Variants in AMTN observed in about 807,000 individuals in gnomAD.
The protein encoded by AMTN is RSTI689.
In AMTN, 29 loss-of-function variants were observed where a neutral mutation model predicts 27.4. That is an observed-to-expected ratio of 1.06 (90% confidence interval 0.79 to 1.44). The LOEUF (loss-of-function observed/expected upper bound fraction) is 1.44. Ranked by LOEUF, AMTN falls within the 40% of genes most tolerant of loss-of-function variation. AMTN has a pLI of 0.00. For synonymous variants in AMTN, 86 were observed against 95.7 expected, an observed-to-expected ratio of 0.90 and a Z score of 0.59; for missense variants, 247 against 248.8, an observed-to-expected ratio of 0.99 and a Z score of 0.05.
At chr4:70,525,061 C>A in intron 5 of AMTN, 100 bp downstream of exon 5, 1 of 1,091,938 alleles carries the variant, frequency 9.2e-7, no homozygotes, top group Non-Finnish European at 1.3e-6. Context: ...GAAAATTTTG[C>A]CCAGATTATT....
At chr4:70,529,881 A>G (rs1286567735) in intron 7 of AMTN, among the ~76,000 whole-genome samples, 2 of 152,230 alleles carry the variant, frequency 1.3e-5, no homozygotes, top group Non-Finnish European at 2.9e-5. Context: ...TTGTCCATAA[A>G]TAATCATCAA....
chr4:70,529,905 TG>T (rs1736183035), intron 7 of AMTN, among the ~76,000 whole-genome samples: 1 of 152,202 alleles, frequency 6.6e-6, no homozygotes, highest in Non-Finnish European at 1.5e-5. Context: ...ATGGGGCTAG[TG>T]TCTGTTTTGC....
chr4:70,519,595 A>T (rs961054488), intron 2 of AMTN, among the ~76,000 whole-genome samples: 1 of 152,204 alleles, frequency 6.6e-6, no homozygotes, highest in East Asian at 1.9e-4. Flanking sequence ...TTTATTAAAA[A>T]CTTTCTATAT....
At chr4:70,525,983 T>C (rs1424940838) in intron 5 of AMTN, among the ~76,000 whole-genome samples, 1 of 152,186 alleles carries the variant, frequency 6.6e-6, no homozygotes, top group African/African-American at 2.4e-5. Context: ...TGTAGATAAC[T>C]TATTCTCCCC....
At chr4:70,521,074 C>T (rs2109768836) in intron 2 of AMTN, among the ~76,000 whole-genome samples, 2 of 152,222 alleles carry the variant, frequency 1.3e-5, no homozygotes. Flanking sequence ...CTGGCTTTTA[C>T]TCTGAGTGAA....
intron 5 of AMTN, among the ~76,000 whole-genome samples, chr4:70,526,004 C>T (rs953457202): frequency 1.3e-5 from 2 of 152,106 alleles, no homozygotes; most frequent in Admixed American, 6.6e-5. Flanking sequence ...AACATGTGAC[C>T]TCGGCCCCCA....
chr4:70,524,942 A>G lies in AMTN; in HGVS notation c.275A>G (p.Gln92Arg). 1 of 1,614,052 alleles carries G rather than the reference A, an allele frequency of 6.2e-7. No homozygotes were observed. The highest frequency in any genetic ancestry group is 8.5e-7 in the Non-Finnish European group (1 of 1,179,918). Residue 92 changes from glutamine (Q) to arginine (R), a missense_variant, in exon 5 of 9, where the codon CAA becomes CGA. Transcript: ENST00000339336. ...HPLTLGGLNV[Q>R]QQLHPHVLPI... ...TTGACCCTGGGAGGGTTGAATGTACAACAGCAACTGCACCCACATGTAAGT... is the reference window on the plus strand; with the variant it reads ...TTGACCCTGGGAGGGTTGAATGTACGACAGCAACTGCACCCACATGTAAGT...
At chr4:70,521,447 G>A (rs1208257063) in intron 2 of AMTN, among the ~76,000 whole-genome samples, 1 of 149,036 alleles carries the variant, frequency 6.7e-6, no homozygotes, top group South Asian at 2.1e-4. Context: ...CAGAGACTGA[G>A]AAAAGAAGCA....
At chr4:70,527,245 C>T (rs1560573891) in intron 5 of AMTN, among the ~76,000 whole-genome samples, 2 of 152,108 alleles carry the variant, frequency 1.3e-5, no homozygotes, top group South Asian at 4.1e-4. Context: ...TGTGTTATTA[C>T]GATTTCAAAT....
At position 70,532,638 on chromosome 4, in the gene AMTN, G is replaced by A; in HGVS notation, c.*173G>A. 1.8e-6 allele frequency: 1 copy of A among 558,938 alleles called. No individual in the cohort carries two copies. The highest frequency in any genetic ancestry group is 3.1e-6 in the Non-Finnish European group (1 of 327,634). 34.6% of individuals were successfully genotyped at this position (558,938 alleles called of 1,614,324 possible). A position where few individuals can be genotyped will look rare whatever the true frequency, so the allele number is the denominator to read the frequency against. ...TTTCAGAAAATATGTTCTATGTAGA[G>A]AATCCCAACTTTTAAAAACAATAAT... is the stretch of plus-strand genomic sequence containing the variant. On this transcript the variant is annotated 3_prime_UTR_variant, in exon 9 of 9. Coordinates refer to ENST00000339336, the MANE Select transcript of AMTN (RefSeq NM_212557.4).
intron 5 of AMTN, among the ~76,000 whole-genome samples, chr4:70,526,850 T>C (rs1736108287): frequency 6.6e-6 from 1 of 152,170 alleles, no homozygotes; most frequent in Non-Finnish European, 1.5e-5. Context: ...AATTCTTCAA[T>C]GTCTCTAGAA....
At chr4:70,523,005 A>G (rs550241813) in intron 3 of AMTN, among the ~76,000 whole-genome samples, 167 bp downstream of exon 3, 1 of 152,240 alleles carries the variant, frequency 6.6e-6, no homozygotes, top group Non-Finnish European at 1.5e-5. Flanking sequence ...GAGTGGGGAA[A>G]AGAACCGATA....
chr4:70,523,960 T>A, intron 4 of AMTN, 27 bp downstream of exon 4: 1 of 1,576,136 alleles, frequency 6.3e-7, no homozygotes, highest in Non-Finnish European at 8.7e-7. Context: ...ATTATTTTAA[T>A]ACCCATTGTG....
At chr4:70,529,898 G>C (rs1356554766) in intron 7 of AMTN, among the ~76,000 whole-genome samples, 1 of 152,006 alleles carries the variant, frequency 6.6e-6, no homozygotes, top group Non-Finnish European at 1.5e-5. Flanking sequence ...TCAAGGAATG[G>C]GGCTAGTGTC....
intron 4 of AMTN, 33 bp downstream of exon 4, chr4:70,523,966 T>C (rs1379752090): frequency 1.3e-6 from 2 of 1,563,944 alleles, no homozygotes; most frequent in East Asian, 2.2e-5. Context: ...TTAATACCCA[T>C]TGTGAAATAA....
At chr4:70,525,058 T>G (rs751340904) in intron 5 of AMTN, 97 bp downstream of exon 5, 1 of 1,126,584 alleles carries the variant, frequency 8.9e-7, no homozygotes, top group East Asian at 2.5e-5. Context: ...CTTGAAAATT[T>G]TGCCCAGATT....
chr4:70,525,298 G>A (rs1322035752), intron 5 of AMTN, among the ~76,000 whole-genome samples: 1 of 152,150 alleles, frequency 6.6e-6, no homozygotes, highest in Non-Finnish European at 1.5e-5. Context: ...GTTTTCTCTT[G>A]AAGACTTTCT....
chr4:70,522,742 G>A lies in AMTN; in HGVS notation c.55-13G>A. On this transcript the variant is annotated splice_polypyrimidine_tract_variant and intron_variant, in intron 2 of 8. Coordinates refer to ENST00000339336, the MANE Select transcript of AMTN (RefSeq NM_212557.4). ...TTCCTGCCTCATCAAATATGTATTTGTTTTCACAAAAGCAGCTCAAACCTG... is the reference window on the plus strand; with the variant it reads ...TTCCTGCCTCATCAAATATGTATTTATTTTCACAAAAGCAGCTCAAACCTG... The A allele has an allele frequency of 6.2e-7, 1 of 1,613,556 alleles. No homozygotes were observed. The highest frequency in any genetic ancestry group is 2.2e-5 in the East Asian group (1 of 44,870).
At chr4:70,523,834 T>G (rs1244597451) in intron 3 of AMTN, 34 bp from the exon 4 acceptor site, 1 of 1,565,564 alleles carries the variant, frequency 6.4e-7, no homozygotes, top group East Asian at 2.2e-5. Flanking sequence ...GCAGACAACC[T>G]CTTGTCTCAT....
Sources: gnomAD v4.1 joint callset for allele counts (sites outside exome capture counted in the v4.1 genomes callset) on GRCh38, gnomAD v4.1.1 for gene constraint, MANE v1.5 for transcripts, NCBI Gene and HGNC (gene_info 2026-07-23, HGNC 2026-07-21) for gene names.